The following HPSE2 variants were observed in gnomAD, a reference collection of about 807,000 sequenced individuals.
The protein encoded by HPSE2 is inactive heparanase-2.
HPSE2 carries 38 observed loss-of-function variants against 60.5 expected under a neutral mutation model. The observed-to-expected ratio is 0.63, with a 90% CI of 0.48 to 0.82. The LOEUF is 0.82. HPSE2 is among the 40% of genes least tolerant of loss of function. HPSE2 has a pLI of 0.00. For synonymous variants in HPSE2, 295 were observed against 293.2 expected (o/e 1.01, Z -0.06); for missense variants, 713 against 740.4 (o/e 0.96, Z 0.43).
chr10:98,461,443 G>A (rs1055746035), intron 11 of HPSE2, among the ~76,000 whole-genome samples: 6 of 152,240 alleles, frequency 3.9e-5, no homozygotes, highest in African/African-American at 7.2e-5. Context: ...GACCGCATCA[G>A]ATATGCAAGG....
chr10:99,259,312 A>C, the HPSE2 span, among the ~76,000 whole-genome samples: 3 of 151,192 alleles, frequency 2.0e-5, no homozygotes, highest in Admixed American at 2.0e-4. Flanking sequence ...CCCCACCAAA[A>C]AAAAAAAAAA....
At chr10:98,609,359 T>C (rs910160677) in intron 9 of HPSE2, among the ~76,000 whole-genome samples, 1 of 152,218 alleles carries the variant, frequency 6.6e-6, no homozygotes, top group African/African-American at 2.4e-5. Context: ...TACGAATAAG[T>C]GAAACATGAA....
At chr10:98,744,594 A>G (rs1358527901) in intron 3 of HPSE2, among the ~76,000 whole-genome samples, 2 of 152,150 alleles carry the variant, frequency 1.3e-5, no homozygotes, top group Admixed American at 1.3e-4. Context: ...AATTCCAGAC[A>G]GAGGTTGCAA....
chr10:99,023,355 A>T (rs1025883924), intron 3 of HPSE2, among the ~76,000 whole-genome samples: 4 of 152,058 alleles, frequency 2.6e-5, no homozygotes, highest in African/African-American at 9.7e-5. Flanking sequence ...GTAGACTTCT[A>T]AGGTTTTTGA....
At chr10:98,568,283 G>A (rs377346297) in intron 9 of HPSE2, among the ~76,000 whole-genome samples, 42 of 152,278 alleles carry the variant, frequency 2.8e-4, no homozygotes, top group African/African-American at 9.6e-4. Context: ...GTATGATCCC[G>A]AGCAAGTTAC....
chr10:98,717,558 T>C (rs542906236), intron 5 of HPSE2, among the ~76,000 whole-genome samples: 1 of 152,172 alleles, frequency 6.6e-6, no homozygotes, highest in South Asian at 2.1e-4. Flanking sequence ...ATTTTAATAT[T>C]GTTGCATCTC....
intron 3 of HPSE2, among the ~76,000 whole-genome samples, chr10:98,849,248 C>A (rs1952109668): frequency 6.6e-6 from 1 of 152,114 alleles, no homozygotes; most frequent in African/African-American, 2.4e-5. Context: ...TAACTTTCAC[C>A]ATAGTCTGTG....
chr10:99,250,826 A>G, the HPSE2 span, among the ~76,000 whole-genome samples: 4 of 152,226 alleles, frequency 2.6e-5, no homozygotes, highest in African/African-American at 9.6e-5. Flanking sequence ...CAAAGACACA[A>G]CATAGCAAAA....
At chr10:98,462,959 CT>C (rs56061368) in intron 11 of HPSE2, among the ~76,000 whole-genome samples, 15,574 of 146,506 alleles carry the variant, frequency 0.11, 1,115 homozygotes, top group African/African-American at 0.22. Context: ...CTTATCTCTG[CT>C]TTTTTTTTTT....
chr10:98,926,877 C>G lies in HPSE2; in HGVS notation c.611-182821G>C, dbSNP rs886476647. Among the ~76,000 whole-genome samples, 7 of 152,260 alleles carry G rather than the reference C, an allele frequency of 4.6e-5. No individual in the cohort carries two copies. In the East Asian group the frequency reaches 1.3e-3, roughly 29 times the overall value. On this transcript the variant is annotated intron_variant, in intron 3 of 11. Transcript: ENST00000370552. ...TTCATTTCGTTATGTACCCAGTAGT[C>G]ACTCAGGAGCAGGTTGTTCAGTCTC...
At chr10:98,993,833 A>G (rs1024477381) in intron 3 of HPSE2, among the ~76,000 whole-genome samples, 1 of 152,150 alleles carries the variant, frequency 6.6e-6, no homozygotes, top group African/African-American at 2.4e-5. Flanking sequence ...GACCTTTCTG[A>G]TTTCATAATT....
intron 2 of HPSE2, among the ~76,000 whole-genome samples, chr10:99,225,770 T>C (rs1194391657): frequency 2.0e-5 from 3 of 152,026 alleles, no homozygotes; most frequent in Non-Finnish European, 2.9e-5. Context: ...TTTTCCTCTA[T>C]GGCCAATTCC....
intron 2 of HPSE2, among the ~76,000 whole-genome samples, chr10:99,145,158 T>C (rs1201372526): frequency 6.6e-6 from 1 of 151,956 alleles, no homozygotes; most frequent in Non-Finnish European, 1.5e-5. Context: ...AAAAGAAAAA[T>C]TCATACAGAA....
At chr10:98,537,988 C>G (rs1455940102) in intron 9 of HPSE2, among the ~76,000 whole-genome samples, 1 of 152,226 alleles carries the variant, frequency 6.6e-6, no homozygotes. Context: ...GAAGAAAACA[C>G]TGACGTATGC....
chr10:98,761,972 T>TCCCC (rs1950014349), intron 3 of HPSE2, among the ~76,000 whole-genome samples: 1 of 147,818 alleles, frequency 6.8e-6, no homozygotes, highest in African/African-American at 2.5e-5. Flanking sequence ...CTCATTTACC[T>TCCCC]TCCCTCCCCT....
In HPSE2 at chr10:98,878,472, G is replaced by A. The variant is rs548180075; in HGVS notation, c.611-134416C>T. Among the ~76,000 whole-genome samples, 6 of 152,044 alleles carry A rather than the reference G, an allele frequency of 3.9e-5. No individual in the cohort carries two copies. The East Asian group carries it at 1.2e-3, about 29-fold the overall frequency. Reference sequence around the variant, plus strand: ...AGCTTATTTTCTGGTGGATGAATAAGAGATAAGCAGGACAAGTTGGCTAAG... The same window carrying A: ...AGCTTATTTTCTGGTGGATGAATAAAAGATAAGCAGGACAAGTTGGCTAAG... On this transcript the variant is annotated intron_variant, in intron 3 of 11. Coordinates refer to ENST00000370552, the MANE Select transcript of HPSE2 (RefSeq NM_021828.5).
intron 3 of HPSE2, among the ~76,000 whole-genome samples, chr10:98,941,578 G>T (rs1955002669): frequency 7.1e-6 from 1 of 141,402 alleles, no homozygotes; most frequent in South Asian, 2.1e-4. Flanking sequence ...TGAAATAAAA[G>T]AGGATACAAA....
intron 9 of HPSE2, among the ~76,000 whole-genome samples, chr10:98,501,065 C>G (rs1942013650): frequency 6.9e-6 from 1 of 145,158 alleles, no homozygotes; most frequent in South Asian, 2.2e-4. Flanking sequence ...AAATTACCAA[C>G]AAAAAAAAAA....
At chr10:98,588,607 C>A (rs967526292) in intron 9 of HPSE2, among the ~76,000 whole-genome samples, 5 of 151,998 alleles carry the variant, frequency 3.3e-5, no homozygotes, top group African/African-American at 1.2e-4. Flanking sequence ...GGTGACAGTA[C>A]AAGGAAGTCT....
Sources: gnomAD v4.1 joint callset for allele counts (sites outside exome capture counted in the v4.1 genomes callset) on GRCh38, gnomAD v4.1.1 for gene constraint, MANE v1.5 for transcripts, NCBI Gene and HGNC (gene_info 2026-07-23, HGNC 2026-07-21) for gene names.